The following THSD7B variants were observed in gnomAD, a reference collection of about 807,000 sequenced individuals.
THSD7B encodes the protein thrombospondin type-1 domain-containing protein 7B.
A neutral mutation model predicts 213.6 loss-of-function variants in THSD7B; 138 were observed. The observed-to-expected ratio is 0.65, with a 90% CI of 0.56 to 0.74. The LOEUF is 0.74. THSD7B is among the 30% of genes least tolerant of loss of function. The pLI is 0.00. For synonymous variants in THSD7B, 742 were observed against 687.0 expected (o/e 1.08, Z -1.25); for missense variants, 1,931 against 1,991.5 (o/e 0.97, Z 0.58).
chr2:137,090,999 G>A (rs1050252131), intron 3 of THSD7B, among the ~76,000 whole-genome samples: 1 of 152,130 alleles, frequency 6.6e-6, no homozygotes, highest in African/African-American at 2.4e-5. Context: ...GATCAAATTA[G>A]ACCAGAGCTC....
chr2:137,308,686 A>G lies in THSD7B; in HGVS notation c.2500+32660A>G, dbSNP rs564483859. On this transcript the variant is annotated intron_variant, in intron 12 of 27. Coordinates refer to ENST00000409968, the MANE Select transcript of THSD7B (RefSeq NM_001316349.2). Reference sequence around the variant, plus strand: ...TTTTTGAAAAAAATCCCATTGTTTCATAGAATTCGTTGAGAAAAAGGTATA... The same window carrying G: ...TTTTTGAAAAAAATCCCATTGTTTCGTAGAATTCGTTGAGAAAAAGGTATA... Among the ~76,000 whole-genome samples the G allele has an allele frequency of 1.1e-4, 17 of 152,226 alleles. No individual in the cohort carries two copies. In the South Asian group the frequency reaches 2.7e-3, roughly 24 times the overall value.
At chr2:137,427,936 T>A (rs10203502) in intron 14 of THSD7B, among the ~76,000 whole-genome samples, 34,168 of 152,008 alleles carry the variant, frequency 0.22, 4,004 homozygotes, top group South Asian at 0.27. Context: ...CAAAACATAA[T>A]GTTGTATACT....
intron 16 of THSD7B, among the ~76,000 whole-genome samples, chr2:137,572,157 G>A (rs915947958): frequency 2.0e-5 from 3 of 152,132 alleles, no homozygotes; most frequent in African/African-American, 2.4e-5. Flanking sequence ...ATTGCCTTTA[G>A]TCCAAGGTCA....
At chr2:137,609,342 G>A (rs1682245414) in intron 17 of THSD7B, among the ~76,000 whole-genome samples, 1 of 152,208 alleles carries the variant, frequency 6.6e-6, no homozygotes, top group Non-Finnish European at 1.5e-5. Context: ...TAACATGGAA[G>A]AGTTGCTGAT....
chr2:137,147,049 C>T (rs903522200), intron 5 of THSD7B, among the ~76,000 whole-genome samples: 10 of 152,074 alleles, frequency 6.6e-5, no homozygotes, highest in Non-Finnish European at 1.5e-4. Flanking sequence ...AGTATAAATC[C>T]TTGTTGTACT....
intron 14 of THSD7B, among the ~76,000 whole-genome samples, chr2:137,415,605 C>T (rs921293203): frequency 6.7e-6 from 1 of 150,196 alleles, no homozygotes; most frequent in South Asian, 2.1e-4. Context: ...ACAAAATATC[C>T]CGTGACAAAA....
intron 2 of THSD7B, among the ~76,000 whole-genome samples, chr2:136,896,644 C>T (rs1683964853): frequency 6.6e-6 from 1 of 151,982 alleles, no homozygotes; most frequent in Non-Finnish European, 1.5e-5. Flanking sequence ...AAGATTTTCT[C>T]CTATGTCGTC....
intron 6 of THSD7B, among the ~76,000 whole-genome samples, chr2:137,161,588 G>C (rs1351354925): frequency 6.6e-6 from 1 of 152,186 alleles, no homozygotes; most frequent in Non-Finnish European, 1.5e-5. Context: ...AAAGGAAGAT[G>C]TGTATTGGCT....
At chr2:137,427,772 A>G (rs1367030097) in intron 14 of THSD7B, among the ~76,000 whole-genome samples, 1 of 152,250 alleles carries the variant, frequency 6.6e-6, no homozygotes, top group African/African-American at 2.4e-5. Context: ...AATGTACGTC[A>G]TGGCAATCAT....
chr2:137,472,093 G>C (rs1330278027), intron 15 of THSD7B, among the ~76,000 whole-genome samples: 1 of 152,178 alleles, frequency 6.6e-6, no homozygotes, highest in African/African-American at 2.4e-5. Context: ...CCTTTGGTTA[G>C]TCATCTTCCT....
chr2:137,281,487 C>G (rs1274470380), intron 12 of THSD7B, among the ~76,000 whole-genome samples: 1 of 151,736 alleles, frequency 6.6e-6, no homozygotes, highest in Non-Finnish European at 1.5e-5. Flanking sequence ...ATACATGTGC[C>G]ATGTTGGTGT....
At chr2:137,024,018 T>G (rs183206096) in intron 2 of THSD7B, among the ~76,000 whole-genome samples, 2 of 152,160 alleles carry the variant, frequency 1.3e-5, no homozygotes, top group Non-Finnish European at 2.9e-5. Context: ...GGTTGGAAGA[T>G]GTTACGGAAA....
chr2:137,112,118 G>A lies in THSD7B; in HGVS notation c.1200-3006G>A, dbSNP rs558896077. Among the ~76,000 whole-genome samples the A allele has an allele frequency of 3.3e-5, 5 of 152,266 alleles. No individual in the cohort carries two copies. The East Asian group carries it at 5.8e-4, about 18-fold the overall frequency. ...AACGTTTAGCTGAGTGGGCTCCTTT[G>A]ATTTGTTATTCTGTCAGATCCTAGC... On this transcript the variant is annotated intron_variant, in intron 4 of 27. Transcript: ENST00000409968.
At chr2:137,069,200 A>T (rs1041293966) in intron 3 of THSD7B, among the ~76,000 whole-genome samples, 2 of 152,076 alleles carry the variant, frequency 1.3e-5, no homozygotes, top group African/African-American at 4.8e-5. Context: ...AATAGCTGTC[A>T]TATAGTCTGT....
intron 4 of THSD7B, among the ~76,000 whole-genome samples, chr2:137,108,233 A>G (rs1214361228): frequency 6.6e-6 from 1 of 152,206 alleles, no homozygotes; most frequent in Non-Finnish European, 1.5e-5. Context: ...CTTTTAGAAG[A>G]AGGAGCAAAG....
At chr2:137,227,424 C>T (rs1230168870) in intron 7 of THSD7B, among the ~76,000 whole-genome samples, 3 of 152,068 alleles carry the variant, frequency 2.0e-5, no homozygotes, top group East Asian at 1.9e-4. Flanking sequence ...AAATATATTC[C>T]ATTTTATTAT....
rs899474593 is a variant in THSD7B, at chr2:137,268,665, C to A, written c.2267-3868C>A. ...GATTTAGCTGGCTTCTTTACTGCAGCCCATTTTATCAGCAAGGTCTTTATG... is the reference window on the plus strand; with the variant it reads ...GATTTAGCTGGCTTCTTTACTGCAGACCATTTTATCAGCAAGGTCTTTATG... On this transcript the variant is annotated intron_variant, in intron 10 of 27. Coordinates refer to ENST00000409968, the MANE Select transcript of THSD7B (RefSeq NM_001316349.2). Among the ~76,000 whole-genome samples, 3 of 152,088 alleles carry A rather than the reference C, an allele frequency of 2.0e-5. No individual in the cohort carries two copies. The East Asian group carries it at 5.8e-4, about 29-fold the overall frequency.
intron 3 of THSD7B, among the ~76,000 whole-genome samples, chr2:137,060,075 A>G (rs1687243376): frequency 6.6e-6 from 1 of 152,118 alleles, no homozygotes; most frequent in Non-Finnish European, 1.5e-5. Flanking sequence ...TAGGTGTGTA[A>G]TGGTATCTCA....
chr2:136,953,663 C>T, intron 2 of THSD7B, among the ~76,000 whole-genome samples: 1 of 152,208 alleles, frequency 6.6e-6, no homozygotes, highest in East Asian at 1.9e-4. Context: ...CATCTTCATG[C>T]ATTAACGGAA....
Sources: allele counts gnomAD v4.1 joint callset (sites outside exome capture counted in the v4.1 genomes callset), GRCh38; gene constraint gnomAD v4.1.1; transcripts MANE v1.5; gene names NCBI Gene and HGNC (gene_info 2026-07-23, HGNC 2026-07-21).